The following PRKAA2 variants were observed in gnomAD, a reference collection of about 807,000 sequenced individuals.
PRKAA2 encodes 5'-AMP-activated protein kinase catalytic subunit alpha-2.
A neutral mutation model predicts 56.3 loss-of-function variants in PRKAA2; 40 were observed. The observed-to-expected ratio is 0.71, with a 90% CI of 0.55 to 0.92. The LOEUF is 0.92. Ranked by LOEUF, PRKAA2 falls within the 40% of genes least tolerant of loss-of-function variation. The probability of loss-of-function intolerance (pLI) is 0.00; values close to 1 mark genes in which losing one functional copy is unlikely to be tolerated. For missense variants in PRKAA2, 542 were observed against 686.9 expected (o/e 0.79, Z 2.36); for synonymous variants, 214 against 234.2 (o/e 0.91, Z 0.79).
intron 6 of PRKAA2, among the ~76,000 whole-genome samples, chr1:56,701,899 A>C (rs1644296770): frequency 6.6e-6 from 1 of 152,126 alleles, no homozygotes; most frequent in Non-Finnish European, 1.5e-5. Context: ...GTCTCAAAAA[A>C]AAAAAGAAGT....
intron 1 of PRKAA2, among the ~76,000 whole-genome samples, chr1:56,673,316 G>A (rs2100403812): frequency 6.6e-6 from 1 of 152,276 alleles, no homozygotes; most frequent in East Asian, 1.9e-4. Context: ...TGAGGCTGCA[G>A]TGAGCTATGT....
intron 4 of PRKAA2, 141 bp downstream of exon 4, chr1:56,692,643 T>C: frequency 2.8e-6 from 2 of 721,192 alleles, no homozygotes; most frequent in Non-Finnish European, 2.0e-6. Context: ...CAGTAGCTTT[T>C]TTTTTTCATT....
intron 2 of PRKAA2, among the ~76,000 whole-genome samples, chr1:56,679,175 T>A (rs757191717): frequency 2.1e-4 from 32 of 152,310 alleles, no homozygotes; most frequent in Admixed American, 1.0e-3. Context: ...TTCCTGGCTG[T>A]TAAGTATTGA....
In PRKAA2 at chr1:56,709,864, T is replaced by A. The variant is rs1302104742; in HGVS notation, c.*2151T>A. The stretch of plus-strand genomic sequence containing the variant: ...TAATTATTTACTGTTTTCTAATTCT[T>A]GCCAGTATTTATGAACAGCTGTAGC... On this transcript the variant is annotated 3_prime_UTR_variant, in exon 9 of 9. Transcript: ENST00000371244. 2 of 152,192 alleles carry A rather than the reference T, an allele frequency of 1.3e-5. No homozygotes were observed. Among genetic ancestry groups the A allele is most frequent in the African/African-American group, 2.4e-5 (1 of 41,460 alleles). The allele number at this position is 152,192 out of a possible 1,614,324, so 9.4% of individuals were successfully genotyped here.
At chr1:56,662,757 T>A (rs994897512) in intron 1 of PRKAA2, among the ~76,000 whole-genome samples, 1 of 152,166 alleles carries the variant, frequency 6.6e-6, no homozygotes, top group Non-Finnish European at 1.5e-5. Context: ...TAAAGGTGTG[T>A]GTGTGTTTTT....
chr1:56,692,626 AT>A (rs1644235982), intron 4 of PRKAA2, 124 bp downstream of exon 4: 12 of 902,134 alleles, frequency 1.3e-5, no homozygotes, highest in Non-Finnish European at 1.9e-5. Flanking sequence ...ATTAGCTGAA[AT>A]CTCCTCAGTA....
chr1:56,680,327 G>A (rs1388904292), intron 2 of PRKAA2, among the ~76,000 whole-genome samples: 4 of 151,944 alleles, frequency 2.6e-5, no homozygotes, highest in Non-Finnish European at 5.9e-5. Context: ...AAGTACTTAG[G>A]AGCAGGAATT....
At position 56,708,476 on chromosome 1, in the gene PRKAA2, TA is replaced by T. The variant is rs1433670054; in HGVS notation, c.*769del. 2.0e-5 allele frequency: 3 copies of T among 152,206 alleles called. No homozygotes were observed. The highest frequency in any genetic ancestry group is 4.4e-5 in the Non-Finnish European group (3 of 68,026). The allele number at this position is 152,206 out of a possible 1,614,324, so 9.4% of individuals were successfully genotyped here. A position where few individuals can be genotyped will look rare whatever the true frequency, so the allele number is the denominator to read the frequency against. On this transcript the variant is annotated 3_prime_UTR_variant, in exon 9 of 9. Transcript: ENST00000371244. The stretch of plus-strand genomic sequence containing the variant: ...GTCTTTTACATAAACTTACGTCATT[TA>T]AAAAATGTCTTCAAAATCTACCTTT...
At chr1:56,674,172 T>C (rs374349944) in intron 1 of PRKAA2, among the ~76,000 whole-genome samples, 56 of 152,242 alleles carry the variant, frequency 3.7e-4, no homozygotes, top group Middle Eastern at 3.4e-3. Flanking sequence ...GTGCAAAAGA[T>C]ACAGAGATGA....
At chr1:56,663,950 T>C (rs1644014321) in intron 1 of PRKAA2, among the ~76,000 whole-genome samples, 1 of 152,052 alleles carries the variant, frequency 6.6e-6, no homozygotes, top group African/African-American at 2.4e-5. Context: ...AAATAAAAAA[T>C]TAGCTGAGCA....
intron 1 of PRKAA2, among the ~76,000 whole-genome samples, chr1:56,657,115 TC>T (rs1368303920): frequency 6.6e-6 from 1 of 152,176 alleles, no homozygotes; most frequent in African/African-American, 2.4e-5. Context: ...CTAAACCAAT[TC>T]CCTTTTCTTG....
chr1:56,694,537 A>G (rs1416253843), intron 5 of PRKAA2, among the ~76,000 whole-genome samples: 1 of 152,188 alleles, frequency 6.6e-6, no homozygotes, highest in Non-Finnish European at 1.5e-5. Context: ...AACAACAGAA[A>G]TGTATTTCTC....
intron 7 of PRKAA2, among the ~76,000 whole-genome samples, 191 bp downstream of exon 7, chr1:56,704,666 T>C (rs1387218550): frequency 1.3e-5 from 2 of 152,002 alleles, no homozygotes; most frequent in African/African-American, 2.4e-5. Flanking sequence ...TTTTGAATTA[T>C]AGAAGTGTTC....
intron 6 of PRKAA2, among the ~76,000 whole-genome samples, chr1:56,699,653 T>G (rs1644281428): frequency 6.6e-6 from 1 of 152,224 alleles, no homozygotes; most frequent in Non-Finnish European, 1.5e-5. Flanking sequence ...TATAATTCAC[T>G]GGCTTTTAGT....
Position 56,713,801 on chromosome 1 carries a change from T to C in PRKAA2, c.*6088T>C, listed in dbSNP as rs1163751381. 6.8e-6 allele frequency: 1 copy of C among 148,000 alleles called. No individual in the cohort carries two copies. Among genetic ancestry groups the C allele is most frequent in the African/African-American group, 2.5e-5 (1 of 39,710 alleles). 9.2% of individuals were successfully genotyped at this position (148,000 alleles called of 1,614,324 possible). ...TTTTGCTACCAAAAATGGCCATTTT[T>C]CTAGACAGATAACATTTTCCTAAAG... On this transcript the variant is annotated 3_prime_UTR_variant, in exon 9 of 9. Transcript: ENST00000371244.
chr1:56,664,927 A>C (rs1644024126), intron 1 of PRKAA2, among the ~76,000 whole-genome samples: 1 of 151,028 alleles, frequency 6.6e-6, no homozygotes. Context: ...GCTAAGTATG[A>C]GGCACGCATT....
intron 5 of PRKAA2, among the ~76,000 whole-genome samples, chr1:56,695,075 A>C (rs1644249768): frequency 1.3e-5 from 2 of 151,532 alleles, no homozygotes; most frequent in Admixed American, 6.6e-5. Context: ...ATGAGAATAG[A>C]AATAGTAAGT....
intron 6 of PRKAA2, among the ~76,000 whole-genome samples, chr1:56,700,447 A>T (rs774471340): frequency 2.0e-5 from 3 of 152,126 alleles, no homozygotes; most frequent in Non-Finnish European, 4.4e-5. Context: ...TTTCTCAGGC[A>T]AACACACAAC....
At chr1:56,652,075 C>T (rs925491523) in intron 1 of PRKAA2, among the ~76,000 whole-genome samples, 6 of 148,660 alleles carry the variant, frequency 4.0e-5, no homozygotes, top group South Asian at 2.1e-4. Context: ...TGCAGTGGCG[C>T]GATCTCGGCT....
Sources: gnomAD v4.1 joint callset for allele counts (sites outside exome capture counted in the v4.1 genomes callset) on GRCh38, gnomAD v4.1.1 for gene constraint, MANE v1.5 for transcripts, NCBI Gene and HGNC (gene_info 2026-07-23, HGNC 2026-07-21) for gene names.